Variants in AKAP9 observed in about 807,000 individuals in gnomAD.
AKAP9 encodes A-kinase anchor protein 9.
In AKAP9, 311 loss-of-function variants were observed where a neutral mutation model predicts 488.5. The observed-to-expected ratio is 0.64, with a 90% CI of 0.58 to 0.70. AKAP9 has a LOEUF of 0.70. Ranked by LOEUF, AKAP9 falls within the 30% of genes least tolerant of loss-of-function variation. The probability of loss-of-function intolerance (pLI) is 0.00; values close to 1 mark genes in which losing one functional copy is unlikely to be tolerated. For missense variants in AKAP9, 4,215 were observed against 4,374.5 expected, an observed-to-expected ratio of 0.96 and a Z score of 1.03; for synonymous variants, 1,462 against 1,483.5, an observed-to-expected ratio of 0.99 and a Z score of 0.33.
chr7:92,101,410 C>G (rs1441633753), intron 45 of AKAP9, among the ~76,000 whole-genome samples: 2 of 150,468 alleles, frequency 1.3e-5, no homozygotes. Context: ...GCACTCCAGC[C>G]TGGGCCACAG....
At position 92,033,447 on chromosome 7, in the gene AKAP9, T is replaced by C. The variant is rs567154587; in HGVS notation, c.4338+1843T>C. On this transcript the variant is annotated intron_variant, in intron 16 of 49. Transcript: ENST00000356239. ...TTTTTCTTTTCTTTTCTTTTCTTTTTTTTTTTTTTTTTTTTTGAGACAGGG... is the reference window on the plus strand; with the variant it reads ...TTTTTCTTTTCTTTTCTTTTCTTTTCTTTTTTTTTTTTTTTTGAGACAGGG... Among the ~76,000 whole-genome samples, 161 of 144,952 alleles carry C rather than the reference T, an allele frequency of 1.1e-3. 1 individual carries two copies. The highest frequency in any genetic ancestry group is 9.7e-3 in the South Asian group (44 of 4,520).
rs140462821 is a variant in AKAP9, at chr7:92,001,497, A to G, written c.1580A>G (p.Gln527Arg). 24 of 1,613,828 alleles carry G rather than the reference A, an allele frequency of 1.5e-5. No homozygotes were observed. The highest frequency in any genetic ancestry group is 1.9e-5 in the Non-Finnish European group (22 of 1,179,888). ...GLILEEKCAL[Q>R]RQLEDLVEEL... ...ATTTTAGAAGAAAAGTGTGCTCTAC[A>G]GAGACAGCTTGAAGACCTTGTTGAA... is the stretch of plus-strand genomic sequence containing the variant. Residue 527 changes from glutamine (Q) to arginine (R), a missense_variant, in exon 8 of 50, where the codon CAG (glutamine) becomes CGG (arginine). Physicochemically the swap from Gln to Arg is conservative, Grantham distance 43 (BLOSUM62 1). Transcript: ENST00000356239.
chr7:91,983,982 G>GT (rs1247171493), intron 3 of AKAP9, among the ~76,000 whole-genome samples: 5 of 152,080 alleles, frequency 3.3e-5, no homozygotes, highest in Non-Finnish European at 5.9e-5. Context: ...TTTTGTTGGG[G>GT]TTTTTTTCTT....
At position 92,102,843 on chromosome 7, in the gene AKAP9, A is replaced by G. The variant is rs1469482390; in HGVS notation, c.11330+17A>G. 6.2e-7 allele frequency: 1 copy of G among 1,602,066 alleles called. No homozygotes were observed. The highest frequency in any genetic ancestry group is 8.5e-7 in the Non-Finnish European group (1 of 1,169,800). ...AATTTCCAGGTAAAGACTTGAAGGA[A>G]AATGCATTTTACTAGTAGACTCTCT... On this transcript the variant is annotated intron_variant, in intron 46 of 49. Coordinates refer to ENST00000356239, the MANE Select transcript of AKAP9 (RefSeq NM_005751.5).
intron 39 of AKAP9, 135 bp downstream of exon 39, chr7:92,093,451 A>G (rs569152639): frequency 1.5e-5 from 12 of 774,586 alleles, no homozygotes; most frequent in East Asian, 2.7e-5. Flanking sequence ...AGGAAAAACT[A>G]TAATAGAAAA....
At chr7:91,998,559 T>C (rs1403362944) in intron 7 of AKAP9, among the ~76,000 whole-genome samples, 1 of 151,632 alleles carries the variant, frequency 6.6e-6, no homozygotes, top group Non-Finnish European at 1.5e-5. Context: ...GAAGAATTAT[T>C]GTTGGTTGTT....
chr7:92,018,730 C>T (rs1584146477), intron 12 of AKAP9, among the ~76,000 whole-genome samples: 1 of 152,300 alleles, frequency 6.6e-6, no homozygotes, highest in East Asian at 1.9e-4. Context: ...TTTACCTACC[C>T]TGTTTATATT....
At chr7:92,084,797 C>G in intron 34 of AKAP9, 22 bp from the exon 35 acceptor site, 1 of 1,607,500 alleles carries the variant, frequency 6.2e-7, no homozygotes, top group South Asian at 1.1e-5. Flanking sequence ...TTTTTAACAG[C>G]AAATTATTTT....
intron 38 of AKAP9, chr7:92,089,881 AT>A (rs986901283): frequency 1.0e-4 from 17 of 170,814 alleles, no homozygotes; most frequent in Non-Finnish European, 1.9e-4. Context: ...GTAACTAATT[AT>A]TTTTTAATCC....
intron 1 of AKAP9, among the ~76,000 whole-genome samples, chr7:91,969,342 A>G (rs1188313323): frequency 1.3e-5 from 2 of 152,190 alleles, no homozygotes; most frequent in African/African-American, 4.8e-5. Flanking sequence ...TATATGGTCT[A>G]TTCTGGAGAA....
chr7:92,019,640 CAT>C (rs951398748), intron 12 of AKAP9, among the ~76,000 whole-genome samples: 7 of 149,526 alleles, frequency 4.7e-5, no homozygotes, highest in Non-Finnish European at 3.0e-5. Flanking sequence ...TACTATTTTA[CAT>C]ATATATATAT....
At chr7:92,067,791 T>G (rs974201223) in intron 26 of AKAP9, among the ~76,000 whole-genome samples, 1 of 152,234 alleles carries the variant, frequency 6.6e-6, no homozygotes, top group Non-Finnish European at 1.5e-5. Flanking sequence ...CTCTGCCATT[T>G]ACTAGGTTAT....
At position 92,014,444 on chromosome 7, in the gene AKAP9, G is replaced by A. The variant is rs143403732; in HGVS notation, c.3612+116G>A. ...TGAGTTCGAGACCAGCCTGGCCAACGTGGTGAAACCCCGTCTCTACCAAAA... is the reference window on the plus strand; with the variant it reads ...TGAGTTCGAGACCAGCCTGGCCAACATGGTGAAACCCCGTCTCTACCAAAA... On this transcript the variant is annotated intron_variant, in intron 10 of 49. Coordinates refer to ENST00000356239, the MANE Select transcript of AKAP9 (RefSeq NM_005751.5). 2,199 of 740,328 alleles carry A rather than the reference G, an allele frequency of 3.0e-3. 47 individuals are homozygous for A. In the African/African-American group the frequency reaches 0.034, roughly 11 times the overall value. The allele number at this position is 740,328 out of a possible 1,614,324, so 45.9% of individuals were successfully genotyped here. A position where few individuals can be genotyped will look rare whatever the true frequency, so the allele number is the denominator to read the frequency against.
At chr7:91,980,024 A>G (rs1796188207) in intron 2 of AKAP9, among the ~76,000 whole-genome samples, 1 of 152,154 alleles carries the variant, frequency 6.6e-6, no homozygotes, top group South Asian at 2.1e-4. Flanking sequence ...CTTACAAATG[A>G]TATGTATATA....
intron 18 of AKAP9, 76 bp downstream of exon 18, chr7:92,040,974 T>A: frequency 8.2e-7 from 1 of 1,220,594 alleles, no homozygotes; most frequent in Non-Finnish European, 1.2e-6. Context: ...GATCCCCAAT[T>A]AAAACAACAG....
intron 38 of AKAP9, chr7:92,089,773 A>T (rs1815229907): frequency 6.0e-6 from 2 of 333,532 alleles, no homozygotes; most frequent in Non-Finnish European, 1.1e-5. Flanking sequence ...AGCCCATTGG[A>T]TTCATTCTTT....
intron 21 of AKAP9, among the ~76,000 whole-genome samples, chr7:92,046,191 A>G (rs1554431426): frequency 6.6e-6 from 1 of 151,766 alleles, no homozygotes; most frequent in Non-Finnish European, 1.5e-5. Flanking sequence ...TGTTTTTTCA[A>G]TTTCTTTTTC....
intron 1 of AKAP9, chr7:91,970,540 TTGTC>T (rs1239773747): frequency 2.2e-6 from 1 of 455,328 alleles, no homozygotes; most frequent in East Asian, 7.0e-5. Context: ...CAGCTTTTGT[TTGTC>T]TGTGAAAGAC....
Position 92,042,090 on chromosome 7 carries a change from G to C in AKAP9, c.4962G>C (p.Arg1654Ser), listed in dbSNP as rs746465984. Residue 1654 changes from arginine to serine, a missense_variant, in exon 19 of 50, where the codon AGG becomes AGC. Arg to Ser is a moderately radical substitution (Grantham distance 110). Around this residue, in one of 5 missense-constraint regions of AKAP9, gnomAD observed 2,361 missense variants for 2,430.0 expected, o/e 0.97. Transcript: ENST00000356239. ...AAAACCTGGTTTCAGAGAGAGAGAG[G>C]GTGCTTTTAGAGGAGCTGGAAGCAC... Reference protein sequence around the residue: ...DNENLVSERERVLLEELEALK... With the variant: ...DNENLVSERESVLLEELEALK... 2.5e-6 allele frequency: 4 copies of C among 1,613,702 alleles called. No individual in the cohort carries two copies. The highest frequency in any genetic ancestry group is 3.4e-6 in the Non-Finnish European group (4 of 1,179,784).
Sources: gnomAD v4.1 joint callset for allele counts (sites outside exome capture counted in the v4.1 genomes callset) on GRCh38, gnomAD v4.1.1 for gene constraint, gnomAD v4.1.1 regional missense constraint, MANE v1.5 for transcripts, NCBI Gene and HGNC (gene_info 2026-07-23, HGNC 2026-07-21) for gene names.